The following RASEF variants were observed in gnomAD, a reference collection of about 807,000 sequenced individuals.
RASEF encodes the protein ras and EF-hand domain-containing protein.
RASEF carries 68 observed loss-of-function variants against 90.1 expected under a neutral mutation model. The ratio of observed to expected loss-of-function variants is 0.75; its 90% confidence interval spans 0.62 to 0.92. The LOEUF (loss-of-function observed/expected upper bound fraction) is 0.92, where lower values mean the gene tolerates loss of function less well. Among genes scored for constraint, RASEF ranks in the 40% least tolerant of loss-of-function variants. The pLI is 0.00. For synonymous variants in RASEF, 331 were observed against 345.2 expected, an observed-to-expected ratio of 0.96 and a Z score of 0.46; for missense variants, 949 against 937.2, an observed-to-expected ratio of 1.01 and a Z score of -0.16.
At chr9:83,020,356 G>A (rs1051580700) in intron 3 of RASEF, among the ~76,000 whole-genome samples, 4 of 152,176 alleles carry the variant, frequency 2.6e-5, no homozygotes, top group African/African-American at 4.8e-5. Context: ...GGCTGGGGGC[G>A]AAGAACCCTG....
chr9:83,178,555 C>T, the RASEF span, among the ~76,000 whole-genome samples: 1 of 152,156 alleles, frequency 6.6e-6, no homozygotes, highest in African/African-American at 2.4e-5. Context: ...CTTCTAACTA[C>T]CAGTGCATAT....
At chr9:82,982,807 GAGAGA>G in intron 16 of RASEF, 25 bp from the exon 17 acceptor site, 1 of 51,810 alleles carries the variant, frequency 1.9e-5, no homozygotes. Flanking sequence ...GAGAGAGACA[GAGAGA>G]GAGAGAGAGA....
intron 1 of RASEF, among the ~76,000 whole-genome samples, chr9:83,036,345 G>C (rs1829741453): frequency 1.3e-5 from 2 of 152,350 alleles, no homozygotes; most frequent in South Asian, 2.1e-4. Flanking sequence ...TGCAAGATGT[G>C]CAAAATGCTG....
the RASEF span, among the ~76,000 whole-genome samples, chr9:83,213,127 C>T: frequency 6.6e-6 from 1 of 151,198 alleles, no homozygotes; most frequent in Non-Finnish European, 1.5e-5. Context: ...CAACTAGGCA[C>T]AGTGGCTCAC....
intron 1 of RASEF, among the ~76,000 whole-genome samples, chr9:83,026,910 G>A (rs915232212): frequency 7.2e-5 from 11 of 152,052 alleles, no homozygotes; most frequent in Admixed American, 2.6e-4. Context: ...CACAGGTTAA[G>A]AGATCAGTCC....
the RASEF span, among the ~76,000 whole-genome samples, chr9:83,099,775 C>T: frequency 2.0e-5 from 3 of 152,150 alleles, no homozygotes; most frequent in Non-Finnish European, 4.4e-5. Context: ...TTGGGGGCAG[C>T]CTCTAAATTT....
the RASEF span, among the ~76,000 whole-genome samples, chr9:83,202,352 A>G: frequency 2.6e-5 from 4 of 152,372 alleles, no homozygotes; most frequent in South Asian, 8.3e-4. Flanking sequence ...ACTATAAATA[A>G]TGAATATTCA....
At chr9:83,167,949 A>G in the RASEF span, among the ~76,000 whole-genome samples, 1 of 152,174 alleles carries the variant, frequency 6.6e-6, no homozygotes, top group African/African-American at 2.4e-5. Context: ...TTGGCTAACA[A>G]GAATAATGCC....
chr9:83,045,025 T>C (rs1829903360), intron 1 of RASEF, among the ~76,000 whole-genome samples: 1 of 152,198 alleles, frequency 6.6e-6, no homozygotes, highest in Admixed American at 6.5e-5. Context: ...CATCCTGCCC[T>C]GCAGAGTTTG....
intron 16 of RASEF, among the ~76,000 whole-genome samples, chr9:82,984,233 A>G (rs896483054): frequency 6.6e-6 from 1 of 152,210 alleles, no homozygotes; most frequent in African/African-American, 2.4e-5. Flanking sequence ...TAGCAAAAAT[A>G]TTGTCATTTC....
At chr9:82,991,714 G>C (rs979342278) in intron 15 of RASEF, among the ~76,000 whole-genome samples, 1 of 152,242 alleles carries the variant, frequency 6.6e-6, no homozygotes, top group African/African-American at 2.4e-5. Context: ...GGGTGAAACA[G>C]AGACTGCCTT....
At chr9:83,149,652 A>G in the RASEF span, among the ~76,000 whole-genome samples, 1 of 152,094 alleles carries the variant, frequency 6.6e-6, no homozygotes, top group Non-Finnish European at 1.5e-5. Flanking sequence ...TAAGGATCAG[A>G]CCCGAGCTTT....
chr9:83,130,112 T>G, the RASEF span, among the ~76,000 whole-genome samples: 14 of 152,314 alleles, frequency 9.2e-5, 1 homozygote, highest in South Asian at 1.2e-3. Flanking sequence ...GAGATGACAT[T>G]CTTTAGAGCT....
At chr9:82,990,541 G>A (rs1271179279) in intron 15 of RASEF, 74 bp from the exon 16 acceptor site, 8 of 1,103,910 alleles carry the variant, frequency 7.2e-6, no homozygotes, top group Non-Finnish European at 9.6e-6. Flanking sequence ...TTTAAAATCA[G>A]TAAAATAAAA....
At chr9:83,152,211 C>G in the RASEF span, among the ~76,000 whole-genome samples, 2 of 152,116 alleles carry the variant, frequency 1.3e-5, no homozygotes, top group African/African-American at 2.4e-5. Context: ...AAATCTTGAC[C>G]CTACTCTAGG....
chr9:83,017,036 C>A (rs1181441167), intron 3 of RASEF, among the ~76,000 whole-genome samples: 2 of 152,136 alleles, frequency 1.3e-5, no homozygotes, highest in African/African-American at 4.8e-5. Context: ...GGTGAGGCAA[C>A]AATTTCTGCC....
At chr9:82,982,812 AG>A (rs775713257) in intron 16 of RASEF, 30 bp from the exon 17 acceptor site, 5 of 957,262 alleles carry the variant, frequency 5.2e-6, no homozygotes, top group East Asian at 6.0e-5. Context: ...AGACAGAGAG[AG>A]AGAGAGAGAG....
chr9:83,096,507 G>T, the RASEF span, among the ~76,000 whole-genome samples: 1 of 152,096 alleles, frequency 6.6e-6, no homozygotes, highest in Admixed American at 6.5e-5. Context: ...TTTCCACCAA[G>T]CTCATGACTG....
chr9:82,982,829 GAGA>G, intron 16 of RASEF, 47 bp from the exon 17 acceptor site: 2 of 1,091,030 alleles, frequency 1.8e-6, no homozygotes. Context: ...GAGAGAGAGA[GAGA>G]GGATTACTGA....
Sources: gnomAD v4.1 joint callset for allele counts (sites outside exome capture counted in the v4.1 genomes callset) on GRCh38, gnomAD v4.1.1 for gene constraint, MANE v1.5 for transcripts, NCBI Gene and HGNC (gene_info 2026-07-23, HGNC 2026-07-21) for gene names.